Variants in CDC42SE2 observed in about 807,000 individuals in gnomAD.
CDC42SE2 encodes the protein CDC42 small effector protein 2.
In CDC42SE2, 3 loss-of-function variants were observed where a neutral mutation model predicts 11.5. The observed-to-expected ratio is 0.26, with a 90% CI of 0.12 to 0.67. CDC42SE2 has a LOEUF of 0.67. Ranked by LOEUF, CDC42SE2 falls within the 30% of genes least tolerant of loss-of-function variation. The pLI, the probability that CDC42SE2 is intolerant of heterozygous loss-of-function variation, is 0.80. For missense variants in CDC42SE2, 82 were observed against 106.8 expected, an observed-to-expected ratio of 0.77 and a Z score of 1.02; for synonymous variants, 33 against 34.8, an observed-to-expected ratio of 0.95 and a Z score of 0.18.
upstream of CDC42SE2, among the ~76,000 whole-genome samples, chr5:131,262,268 CG>C (rs1328124510): frequency 2.0e-5 from 3 of 151,514 alleles, no homozygotes; most frequent in African/African-American, 7.3e-5. Context: ...AGGATTGTAG[CG>C]TATCATTGGT....
In CDC42SE2 at chr5:131,302,014, A is replaced by G. The variant is rs80063079; in HGVS notation, c.-454-13962A>G. On this transcript the variant is annotated intron_variant, in intron 1 of 4. Transcript: ENST00000505065. ...TTCTTTTTTTATCTTATTTTATTTT[A>G]TTTTGTTTTTGAGACAGGGTCTTAC... Among the ~76,000 whole-genome samples the G allele has an allele frequency of 7.1e-3, 1,074 of 151,742 alleles. 13 individuals are homozygous for G. The highest frequency in any genetic ancestry group is 0.024 in the African/African-American group (982 of 41,390).
the CDC42SE2 span, among the ~76,000 whole-genome samples, chr5:131,232,656 C>T: frequency 7.0e-6 from 1 of 142,782 alleles, no homozygotes; most frequent in Admixed American, 7.4e-5. Context: ...ATTGCTTAAA[C>T]ACAGGAGGCG....
At chr5:131,266,613 C>G (rs1398179706) in intron 1 of CDC42SE2, among the ~76,000 whole-genome samples, 1 of 151,972 alleles carries the variant, frequency 6.6e-6, no homozygotes, top group Non-Finnish European at 1.5e-5. Flanking sequence ...ACATGCGCCA[C>G]TATGCCCTAT....
chr5:131,238,687 A>AT, the CDC42SE2 span, among the ~76,000 whole-genome samples: 138 of 150,826 alleles, frequency 9.1e-4, no homozygotes, highest in South Asian at 6.1e-3. Context: ...CCATTTTACT[A>AT]TTTTTTTTTC....
At chr5:131,210,959 T>C in the CDC42SE2 span, among the ~76,000 whole-genome samples, 1 of 152,160 alleles carries the variant, frequency 6.6e-6, no homozygotes, top group Non-Finnish European at 1.5e-5. Context: ...TGCCTCAGCC[T>C]CCTGAGTAGC....
At chr5:131,347,883 A>T (rs567518928) in intron 2 of CDC42SE2, among the ~76,000 whole-genome samples, 116 of 152,320 alleles carry the variant, frequency 7.6e-4, no homozygotes, top group African/African-American at 2.6e-3. Context: ...ATATAAACAG[A>T]ACCAAAGACA....
At chr5:131,377,731 C>T (rs1466687046) in intron 3 of CDC42SE2, among the ~76,000 whole-genome samples, 1 of 152,106 alleles carries the variant, frequency 6.6e-6, no homozygotes, top group East Asian at 1.9e-4. Context: ...AACAGTGTTA[C>T]CAGTTAAAAC....
intron 1 of CDC42SE2, among the ~76,000 whole-genome samples, chr5:131,296,514 T>A (rs1446176009): frequency 6.6e-6 from 1 of 152,202 alleles, no homozygotes; most frequent in Non-Finnish European, 1.5e-5. Context: ...TTGCTGGCAG[T>A]CGTTGGCTTG....
At chr5:131,359,608 C>T in intron 3 of CDC42SE2, 61 bp downstream of exon 3, 1 of 1,218,950 alleles carries the variant, frequency 8.2e-7, no homozygotes, top group Non-Finnish European at 1.2e-6. Context: ...CACTGGTTCT[C>T]AAACTGAGGA....
intron 3 of CDC42SE2, among the ~76,000 whole-genome samples, chr5:131,385,052 C>G (rs182112719): frequency 6.6e-6 from 1 of 152,228 alleles, no homozygotes; most frequent in East Asian, 1.9e-4. Flanking sequence ...CACCCTCCCA[C>G]CTCCACCCCC....
chr5:131,323,115 C>T (rs555257718), intron 2 of CDC42SE2, among the ~76,000 whole-genome samples: 115 of 152,010 alleles, frequency 7.6e-4, no homozygotes, highest in South Asian at 6.5e-3. Context: ...CACCCTCAAC[C>T]TTCTGGGCTG....
At chr5:131,347,035 A>G (rs1384453282) in intron 2 of CDC42SE2, among the ~76,000 whole-genome samples, 4 of 152,220 alleles carry the variant, frequency 2.6e-5, no homozygotes, top group African/African-American at 9.6e-5. Context: ...AATGCCCACA[A>G]GAGAAAGCAG....
At chr5:131,211,164 T>C in the CDC42SE2 span, among the ~76,000 whole-genome samples, 1 of 152,190 alleles carries the variant, frequency 6.6e-6, no homozygotes, top group Non-Finnish European at 1.5e-5. Flanking sequence ...CAAGAATTCT[T>C]GTTAGACACC....
chr5:131,278,914 A>G (rs1011685072), intron 1 of CDC42SE2, among the ~76,000 whole-genome samples: 1 of 147,398 alleles, frequency 6.8e-6, no homozygotes, highest in African/African-American at 2.5e-5. Flanking sequence ...CCTCCCGAGT[A>G]GGTGAGACTA....
At chr5:131,339,432 T>C (rs1758655965) in intron 2 of CDC42SE2, among the ~76,000 whole-genome samples, 1 of 152,032 alleles carries the variant, frequency 6.6e-6, no homozygotes, top group Non-Finnish European at 1.5e-5. Flanking sequence ...AAAACATATC[T>C]ATTTAAAATG....
intron 1 of CDC42SE2, among the ~76,000 whole-genome samples, chr5:131,274,920 C>T (rs539531762): frequency 1.3e-5 from 2 of 152,266 alleles, no homozygotes; most frequent in Non-Finnish European, 2.9e-5. Context: ...AATCTTGTCA[C>T]TCATGTCTTT....
At chr5:131,370,232 A>G (rs1186066272) in intron 3 of CDC42SE2, among the ~76,000 whole-genome samples, 1 of 152,224 alleles carries the variant, frequency 6.6e-6, no homozygotes, top group African/African-American at 2.4e-5. Context: ...GACAAAAATA[A>G]TTACCATGTA....
chr5:131,387,531 GAC>G (rs1293245346), intron 4 of CDC42SE2, among the ~76,000 whole-genome samples: 4 of 152,154 alleles, frequency 2.6e-5, no homozygotes, highest in African/African-American at 9.7e-5. Flanking sequence ...CAGCCTGGGT[GAC>G]AGAGTGAAAC....
intron 2 of CDC42SE2, among the ~76,000 whole-genome samples, chr5:131,348,017 G>T (rs1290428016): frequency 6.6e-6 from 1 of 152,176 alleles, no homozygotes; most frequent in Non-Finnish European, 1.5e-5. Context: ...AGTTATCTAT[G>T]ACACACCCAC....
Sources: allele counts gnomAD v4.1 joint callset (sites outside exome capture counted in the v4.1 genomes callset), GRCh38; gene constraint gnomAD v4.1.1; transcripts MANE v1.5; gene names NCBI Gene and HGNC (gene_info 2026-07-23, HGNC 2026-07-21).